The following EVI5 variants were observed in gnomAD, a reference collection of about 807,000 sequenced individuals.
EVI5 encodes ecotropic viral integration site 5 protein homolog.
Under a neutral mutation model 112.0 loss-of-function variants are expected in EVI5, and 73 were observed. The observed-to-expected ratio is 0.65, with a 90% CI of 0.54 to 0.79. The LOEUF is 0.79. Ranked by LOEUF, EVI5 falls within the 30% of genes least tolerant of loss-of-function variation. EVI5 has a pLI of 0.00. For synonymous variants in EVI5, 305 were observed against 319.9 expected, an observed-to-expected ratio of 0.95 and a Z score of 0.50; for missense variants, 900 against 968.8, an observed-to-expected ratio of 0.93 and a Z score of 0.94.
intron 1 of EVI5, 200 bp downstream of exon 1, chr1:92,784,633 GGGC>G: frequency 5.5e-5 from 17 of 307,028 alleles, no homozygotes; most frequent in Non-Finnish European, 8.1e-5. Flanking sequence ...GGAGGGCTGC[GGGC>G]GGCGGCGGCG....
At chr1:92,562,078 A>G (rs1015454186) in intron 19 of EVI5, among the ~76,000 whole-genome samples, 1 of 152,204 alleles carries the variant, frequency 6.6e-6, no homozygotes, top group Non-Finnish European at 1.5e-5. Context: ...ATAATGAGAC[A>G]TCAAAATTTT....
At chr1:92,739,631 TTACA>T (rs1416198698) in intron 1 of EVI5, among the ~76,000 whole-genome samples, 6 of 152,246 alleles carry the variant, frequency 3.9e-5, no homozygotes, top group African/African-American at 1.2e-4. Context: ...AGTAAAAGCG[TTACA>T]TACTATTACA....
chr1:92,569,375 TTAA>T (rs1254683463), intron 18 of EVI5, among the ~76,000 whole-genome samples: 1 of 152,224 alleles, frequency 6.6e-6, no homozygotes, highest in African/African-American at 2.4e-5. Flanking sequence ...TGTATTTACT[TTAA>T]TATTTATTTT....
chr1:92,702,584 T>G (rs1570454683), intron 4 of EVI5, among the ~76,000 whole-genome samples: 1 of 151,992 alleles, frequency 6.6e-6, no homozygotes, highest in African/African-American at 2.4e-5. Context: ...GGCAGGCGGA[T>G]CACCTGAGGC....
intron 9 of EVI5, among the ~76,000 whole-genome samples, chr1:92,687,729 T>C (rs1278368958): frequency 6.6e-6 from 1 of 152,158 alleles, no homozygotes; most frequent in Non-Finnish European, 1.5e-5. Context: ...GGGCCAAGGA[T>C]ATGAACAAAT....
intron 1 of EVI5, among the ~76,000 whole-genome samples, chr1:92,738,608 A>G (rs1278996902): frequency 6.6e-6 from 1 of 152,184 alleles, no homozygotes; most frequent in African/African-American, 2.4e-5. Flanking sequence ...TGAAATAATC[A>G]AAAGCACAAT....
chr1:92,668,095 G>A (rs1665243131), intron 10 of EVI5, among the ~76,000 whole-genome samples: 1 of 152,110 alleles, frequency 6.6e-6, no homozygotes, highest in Non-Finnish European at 1.5e-5. Flanking sequence ...AACATATAAA[G>A]TATTAGTTCA....
intron 19 of EVI5, among the ~76,000 whole-genome samples, chr1:92,519,007 A>T (rs1660421252): frequency 6.6e-6 from 1 of 152,202 alleles, no homozygotes; most frequent in Admixed American, 6.5e-5. Flanking sequence ...AATAAATGTG[A>T]GGCTAAGTAA....
intron 5 of EVI5, chr1:92,700,892 C>T (rs947408714): frequency 1.3e-5 from 2 of 152,190 alleles, no homozygotes; most frequent in African/African-American, 4.8e-5. Context: ...AATTGCGCCT[C>T]GGATAAACCT....
rs2102184861 is a variant in EVI5 at position 92,663,342 on chromosome 1, A to G, written c.1245+78T>C. The G allele has an allele frequency of 9.1e-6, 6 of 656,200 alleles. No individual in the cohort carries two copies. In the South Asian group the frequency reaches 1.6e-4, roughly 18 times the overall value. 40.6% of individuals were successfully genotyped at this position (656,200 alleles called of 1,614,324 possible). On this transcript the variant is annotated intron_variant, in intron 12 of 19. Transcript: ENST00000684568. ...CATGTAAAATTGCATGCATTAAAAT[A>G]TGAATTTCGAGGTTTAGGACTTTCC...
At chr1:92,694,036 C>T (rs1267146691) in intron 8 of EVI5, 137 bp from the exon 9 acceptor site, 18 of 664,404 alleles carry the variant, frequency 2.7e-5, no homozygotes, top group East Asian at 5.0e-5. Context: ...CCAAGGCAGG[C>T]GGATCACTTC....
intron 16 of EVI5, among the ~76,000 whole-genome samples, chr1:92,614,573 G>A (rs1435296374): frequency 6.6e-6 from 1 of 151,852 alleles, no homozygotes; most frequent in Non-Finnish European, 1.5e-5. Context: ...TATAAAGCAG[G>A]CAGAAAAATG....
At chr1:92,586,371 AT>A (rs1280540165) in intron 18 of EVI5, among the ~76,000 whole-genome samples, 1 of 152,168 alleles carries the variant, frequency 6.6e-6, no homozygotes, top group Non-Finnish European at 1.5e-5. Context: ...CTTAACTCAC[AT>A]TTATTAATTT....
chr1:92,783,044 C>G (rs1218647985), intron 1 of EVI5, among the ~76,000 whole-genome samples: 1 of 151,986 alleles, frequency 6.6e-6, no homozygotes, highest in East Asian at 1.9e-4. Flanking sequence ...TGGTCTCAAA[C>G]TCCTGGGCTC....
intron 9 of EVI5, among the ~76,000 whole-genome samples, chr1:92,687,897 G>A (rs1668833736): frequency 6.6e-6 from 1 of 152,194 alleles, no homozygotes; most frequent in South Asian, 2.1e-4. Flanking sequence ...AGATGCTGGA[G>A]AGGATGTGAA....
chr1:92,560,077 C>T (rs983578563), intron 19 of EVI5, among the ~76,000 whole-genome samples: 2 of 152,136 alleles, frequency 1.3e-5, no homozygotes, highest in African/African-American at 4.8e-5. Context: ...TTCTTCACTG[C>T]TTATAGACAG....
At chr1:92,749,914 A>G (rs917733269) in intron 1 of EVI5, among the ~76,000 whole-genome samples, 3 of 152,304 alleles carry the variant, frequency 2.0e-5, no homozygotes, top group East Asian at 1.9e-4. Context: ...AAAATGCTCA[A>G]TCAAGCCACC....
At chr1:92,518,086 C>G (rs145550162) in intron 19 of EVI5, among the ~76,000 whole-genome samples, 8 of 151,826 alleles carry the variant, frequency 5.3e-5, no homozygotes, top group African/African-American at 1.9e-4. Context: ...TTTGTAGAGA[C>G]GGGGTTTCGC....
At chr1:92,746,515 C>G (rs564058112) in intron 1 of EVI5, among the ~76,000 whole-genome samples, 7 of 152,260 alleles carry the variant, frequency 4.6e-5, no homozygotes, top group African/African-American at 1.7e-4. Context: ...CACTTGAGGT[C>G]AGGAGCTCGA....
Sources: allele counts gnomAD v4.1 joint callset (sites outside exome capture counted in the v4.1 genomes callset), GRCh38; gene constraint gnomAD v4.1.1; transcripts MANE v1.5; gene names NCBI Gene and HGNC (gene_info 2026-07-23, HGNC 2026-07-21).